GLB1L2: variants seen among roughly 807,000 people sequenced by gnomAD.
GLB1L2 encodes beta-galactosidase-1-like protein 2.
GLB1L2 carries 68 observed loss-of-function variants against 84.1 expected under a neutral mutation model. The observed-to-expected ratio is 0.81, with a 90% confidence interval of 0.67 to 0.99. The LOEUF is 0.99. Among genes scored for constraint, GLB1L2 ranks in the 50% least tolerant of loss-of-function variants. The pLI is 0.00. For synonymous variants in GLB1L2, 290 were observed against 318.0 expected (o/e 0.91, Z 0.94); for missense variants, 762 against 805.6 (o/e 0.95, Z 0.66).
intron 1 of GLB1L2, among the ~76,000 whole-genome samples, chr11:134,332,787 G>A (rs886670156): frequency 2.0e-5 from 3 of 152,142 alleles, no homozygotes; most frequent in African/African-American, 7.2e-5. Flanking sequence ...GTTGTTTATG[G>A]CAAAGGAGTG....
At chr11:134,335,120 T>A (rs754500092) in intron 1 of GLB1L2, among the ~76,000 whole-genome samples, 6 of 152,152 alleles carry the variant, frequency 3.9e-5, no homozygotes, top group Non-Finnish European at 7.4e-5. Flanking sequence ...TGCCCTGCCC[T>A]GCTGTTTTCT....
intron 4 of GLB1L2, among the ~76,000 whole-genome samples, chr11:134,345,764 C>T (rs575072148): frequency 5.3e-5 from 8 of 152,298 alleles, no homozygotes; most frequent in Non-Finnish European, 1.0e-4. Context: ...CCACCGCGCC[C>T]GGCCTTCCCT....
chr11:134,361,709 C>T (rs954373600), intron 7 of GLB1L2, among the ~76,000 whole-genome samples: 1 of 152,154 alleles, frequency 6.6e-6, no homozygotes, highest in Non-Finnish European at 1.5e-5. Flanking sequence ...GGGTCTGATC[C>T]GGCTCGTGTG....
chr11:134,374,232 T>C lies in GLB1L2; in HGVS notation c.1683T>C (p.Pro561=). The change falls in exon 17 of 19, where the codon CCT becomes CCC. Residue 561 remains proline (P), a synonymous_variant. Coordinates refer to ENST00000535456, the MANE Select transcript of GLB1L2 (RefSeq NM_001370461.1). ...FLGSLSISST[P]CDTFLKLEGW... The stretch of plus-strand genomic sequence containing the variant: ...GTAGCTTGTCCATCAGCTCCACCCC[T>C]TGTGACACCTTTCTGAAGCTGGAGG... 1 of 1,612,344 alleles carries C rather than the reference T, an allele frequency of 6.2e-7. No individual in the cohort carries two copies. Among genetic ancestry groups the C allele is most frequent in the Non-Finnish European group, 8.5e-7 (1 of 1,178,376 alleles).
In GLB1L2 at chr11:134,356,356, A is replaced by G. The variant is rs769330104; in HGVS notation, c.614A>G (p.Tyr205Cys). 4.3e-6 allele frequency: 7 copies of G among 1,613,998 alleles called. No individual in the cohort carries two copies. Among genetic ancestry groups the G allele is most frequent in the East Asian group, 2.2e-5 (1 of 44,876 alleles). Residue 205 changes from tyrosine (Y) to cysteine (C), a missense_variant, in exon 6 of 19, where the codon TAT becomes TGT. Physicochemically the swap from Tyr to Cys is radical, Grantham distance 194. This residue lies in a region of GLB1L2 where 603 missense variants were observed against 611.7 expected (regional missense o/e 0.99). Coordinates refer to ENST00000535456, the MANE Select transcript of GLB1L2 (RefSeq NM_001370461.1). ...CAGGTGGAGAATGAATATGGTTCCT[A>G]TAATAAAGACCCCGCATACATGCCC... is the stretch of plus-strand genomic sequence containing the variant. ...AVQVENEYGS[Y>C]NKDPAYMPYV... is the part of the protein sequence containing the mutation.
intron 15 of GLB1L2, among the ~76,000 whole-genome samples, chr11:134,372,071 C>A (rs188962777): frequency 1.3e-5 from 2 of 152,324 alleles, no homozygotes; most frequent in East Asian, 3.9e-4. Context: ...ACTGTGAACA[C>A]TGAGCTGGCC....
At chr11:134,335,990 G>A (rs1386270399) in intron 1 of GLB1L2, among the ~76,000 whole-genome samples, 1 of 152,126 alleles carries the variant, frequency 6.6e-6, no homozygotes, top group Non-Finnish European at 1.5e-5. Context: ...TTTAGCTTTT[G>A]CTTAAATCTA....
chr11:134,364,266 C>T, intron 7 of GLB1L2, 62 bp from the exon 8 acceptor site: 1 of 1,359,276 alleles, frequency 7.4e-7, no homozygotes. Context: ...TCTGGGGTCA[C>T]CTAGAAGGTC....
chr11:134,371,200 A>G (rs4937880), intron 13 of GLB1L2, 52 bp downstream of exon 13: 567,682 of 1,602,978 alleles, frequency 0.35, 104,676 homozygotes, highest in Admixed American at 0.5. Flanking sequence ...CAGCTCTGCA[A>G]TAGGCGTCTC....
chr11:134,374,319 G>A, intron 17 of GLB1L2, 63 bp downstream of exon 17: 4 of 1,328,562 alleles, frequency 3.0e-6, no homozygotes, highest in Non-Finnish European at 4.3e-6. Flanking sequence ...AGGGCTCTGA[G>A]CCAAAGCCAC....
rs1257277792 is a variant in GLB1L2, at chr11:134,334,630, T to C, written c.86+2483T>C. 1.3e-5 allele frequency among the ~76,000 whole-genome samples: 2 copies of C among 152,162 alleles called. No homozygotes were observed. Among genetic ancestry groups the C allele is most frequent in the African/African-American group, 4.8e-5 (2 of 41,438 alleles). ...GCCACCAGCCCCCAAAGTTTCCATG[T>C]ACCTCTCTGTCATCCCTCCCTCCTA... On this transcript the variant is annotated intron_variant, in intron 1 of 18. Coordinates refer to ENST00000535456, the MANE Select transcript of GLB1L2 (RefSeq NM_001370461.1). This position sits in a 1 kb window ranked among gnomAD's most constrained non-coding sequence, Gnocchi z 4.1.
At chr11:134,349,933 C>T (rs1037829958) in intron 5 of GLB1L2, among the ~76,000 whole-genome samples, 12 of 152,156 alleles carry the variant, frequency 7.9e-5, no homozygotes, top group Admixed American at 7.2e-4. Context: ...GGGCCTGGAA[C>T]GAGGGCCTCT....
At chr11:134,348,674 C>A (rs1943583626) in intron 5 of GLB1L2, among the ~76,000 whole-genome samples, 1 of 152,230 alleles carries the variant, frequency 6.6e-6, no homozygotes, top group South Asian at 2.1e-4. Context: ...TCCACCCACA[C>A]TGTTGTGTGC....
intron 1 of GLB1L2, among the ~76,000 whole-genome samples, chr11:134,340,841 G>A (rs1591610342): frequency 6.6e-6 from 1 of 152,174 alleles, no homozygotes; most frequent in Non-Finnish European, 1.5e-5. Flanking sequence ...AAAATATTAT[G>A]CTTTTGATTT....
In GLB1L2 at chr11:134,351,345, C is replaced by CTTTTTTT. The variant is rs367790049; in HGVS notation, c.558+3923_558+3929dup. ...TTACATTGATTGATTCTTTTTCTTT[C>CTTTTTTT]TTTTTTTTTTTTTTTTTGAGATGGT... On this transcript the variant is annotated intron_variant, in intron 5 of 18. Coordinates refer to ENST00000535456, the MANE Select transcript of GLB1L2 (RefSeq NM_001370461.1). Among the ~76,000 whole-genome samples the CTTTTTTT allele has an allele frequency of 6.2e-5, 8 of 129,118 alleles. No individual in the cohort carries two copies. In the East Asian group the frequency reaches 7.1e-4, roughly 11 times the overall value. 84.7% of individuals were successfully genotyped at this position (129,118 alleles called of 152,430 possible).
Position 134,356,286 on chromosome 11 carries a change from G to A in GLB1L2, c.559-15G>A. ...CTGCACACTCAGCTCCTGGTTTTCTGTCTTTTCTCCGCAGTACAAGCGTGG... is the reference window on the plus strand; with the variant it reads ...CTGCACACTCAGCTCCTGGTTTTCTATCTTTTCTCCGCAGTACAAGCGTGG... On this transcript the variant is annotated splice_polypyrimidine_tract_variant and intron_variant, in intron 5 of 18. Transcript: ENST00000535456. The A allele has an allele frequency of 6.2e-7, 1 of 1,609,940 alleles. No homozygotes were observed. Among genetic ancestry groups the A allele is most frequent in the Non-Finnish European group, 8.5e-7 (1 of 1,176,312 alleles).
intron 1 of GLB1L2, among the ~76,000 whole-genome samples, chr11:134,342,012 G>A (rs1319645964): frequency 2.0e-5 from 3 of 152,096 alleles, no homozygotes; most frequent in Non-Finnish European, 4.4e-5. Flanking sequence ...CATGCCTCCA[G>A]CTTTCCTGAC....
intron 7 of GLB1L2, among the ~76,000 whole-genome samples, chr11:134,363,480 G>T (rs1022819324): frequency 3.3e-5 from 5 of 152,212 alleles, no homozygotes; most frequent in African/African-American, 1.2e-4. Flanking sequence ...CCAGGATAAG[G>T]CTGTGCCACT....
In GLB1L2 at chr11:134,375,224, C is replaced by A. The variant is rs2136292829; in HGVS notation, c.*166C>A. On this transcript the variant is annotated 3_prime_UTR_variant, in exon 19 of 19. Coordinates refer to ENST00000535456, the MANE Select transcript of GLB1L2 (RefSeq NM_001370461.1). The stretch of plus-strand genomic sequence containing the variant: ...CCCTGTCTCAGCTCAAAACCCTAAG[C>A]CTGCAGGGAAAGGTGGGATGGCTCT... 1 of 589,768 alleles carries A rather than the reference C, an allele frequency of 1.7e-6. No individual in the cohort carries two copies. The highest frequency in any genetic ancestry group is 2.2e-5 in the South Asian group (1 of 45,600). 36.5% of individuals were successfully genotyped at this position (589,768 alleles called of 1,614,324 possible).
Sources: gnomAD v4.1 joint callset for allele counts (sites outside exome capture counted in the v4.1 genomes callset) on GRCh38, gnomAD v4.1.1 for gene constraint, gnomAD v4.1.1 regional missense constraint, Gnocchi (gnomAD v3.1) non-coding constraint, MANE v1.5 for transcripts, NCBI Gene and HGNC (gene_info 2026-07-23, HGNC 2026-07-21) for gene names.